Variants in EPB41 observed in about 807,000 individuals in gnomAD.
The protein encoded by EPB41 is erythrocyte membrane protein band 4.1.
EPB41 carries 65 observed loss-of-function variants against 108.0 expected under a neutral mutation model. That is an observed-to-expected ratio of 0.60 (90% confidence interval 0.49 to 0.74). EPB41 has a LOEUF of 0.74. EPB41 is among the 30% of genes least tolerant of loss of function. The pLI is 0.00. For missense variants in EPB41, 875 were observed against 1,037.0 expected (o/e 0.84, Z 2.15); for synonymous variants, 336 against 358.9 (o/e 0.94, Z 0.72).
intron 1 of EPB41, chr1:28,902,472 C>T (rs1235003664): frequency 1.2e-6 from 1 of 813,884 alleles, no homozygotes. Flanking sequence ...ACACTGGGAG[C>T]CAGGCTTGGA....
chr1:28,976,256 T>C (rs1231845743), intron 1 of EPB41, among the ~76,000 whole-genome samples: 2 of 152,200 alleles, frequency 1.3e-5, no homozygotes, highest in Non-Finnish European at 2.9e-5. Flanking sequence ...GAAATGAGAA[T>C]GTCTACCTTG....
intron 19 of EPB41, among the ~76,000 whole-genome samples, chr1:29,112,693 G>A (rs1320477280): frequency 6.6e-6 from 1 of 152,150 alleles, no homozygotes; most frequent in Non-Finnish European, 1.5e-5. Flanking sequence ...TCAATTGCTG[G>A]TTCTTAATAT....
At chr1:29,103,174 G>T (rs1666035380) in intron 17 of EPB41, among the ~76,000 whole-genome samples, 1 of 152,186 alleles carries the variant, frequency 6.6e-6, no homozygotes, top group Non-Finnish European at 1.5e-5. Context: ...CTCCCAAAGT[G>T]CAGGGATTAC....
In EPB41 at chr1:29,039,391, C is replaced by T. The variant is rs1365976907; in HGVS notation, c.1601C>T (p.Thr534Ile). ...IDRPAPHFERTASKRASRSLD... is the reference protein window; with the variant it reads ...IDRPAPHFERIASKRASRSLD... ...AGGCCTGCCCCACACTTCGAGCGTACAGCAAGTAAACGGGCGTCCCGGAGC... is the reference window on the plus strand; with the variant it reads ...AGGCCTGCCCCACACTTCGAGCGTATAGCAAGTAAACGGGCGTCCCGGAGC... Residue 534 changes from threonine to isoleucine, a missense_variant, in exon 11 of 21, where the codon ACA becomes ATA. Thr to Ile is a moderately conservative substitution (Grantham distance 89). This residue lies in a region of EPB41 where 519 missense variants were observed against 627.3 expected (regional missense o/e 0.83). Coordinates refer to ENST00000343067, the MANE Select transcript of EPB41 (RefSeq NM_001376013.1). The T allele has an allele frequency of 1.2e-6, 2 of 1,614,100 alleles. No individual in the cohort carries two copies. The highest frequency in any genetic ancestry group is 1.7e-6 in the Non-Finnish European group (2 of 1,180,030).
intron 1 of EPB41, among the ~76,000 whole-genome samples, chr1:28,899,908 T>A (rs2091097657): frequency 6.6e-6 from 1 of 152,222 alleles, no homozygotes; most frequent in South Asian, 2.1e-4. Flanking sequence ...CTGTGAGACC[T>A]CTAGCAAGTT....
chr1:28,963,563 C>T (rs1309647616), intron 1 of EPB41, among the ~76,000 whole-genome samples: 1 of 152,188 alleles, frequency 6.6e-6, no homozygotes, highest in Non-Finnish European at 1.5e-5. Flanking sequence ...CATAGTCCCT[C>T]TGGAGGAGAA....
chr1:28,961,317 A>G (rs927698587), intron 1 of EPB41, among the ~76,000 whole-genome samples: 8 of 152,286 alleles, frequency 5.3e-5, no homozygotes, highest in South Asian at 2.1e-4. Flanking sequence ...AAGAAAAATC[A>G]CCTTACATGA....
intron 18 of EPB41, 37 bp downstream of exon 18, chr1:29,109,474 G>T (rs751099856): frequency 7.6e-6 from 12 of 1,577,284 alleles, no homozygotes; most frequent in South Asian, 1.1e-5. Flanking sequence ...TGGAACCCAG[G>T]GGCAGGCTAA....
chr1:29,097,593 C>A lies in EPB41; in HGVS notation c.2185-214C>A, dbSNP rs988485307. On this transcript the variant is annotated intron_variant, in intron 16 of 20. Transcript: ENST00000343067. ...TCCATTAAGCTTATGAAAGTGATTA[C>A]AGTAATGCTGCTTTTTAATATCCCT... is the stretch of plus-strand genomic sequence containing the variant. The A allele has an allele frequency of 2.2e-5, 13 of 594,142 alleles. No individual in the cohort carries two copies. In the Admixed American group the frequency reaches 3.5e-4, roughly 16 times the overall value. 36.8% of individuals were successfully genotyped at this position (594,142 alleles called of 1,614,324 possible). A position where few individuals can be genotyped will look rare whatever the true frequency, so the allele number is the denominator to read the frequency against.
At chr1:28,966,329 C>A (rs2095356352) in intron 1 of EPB41, among the ~76,000 whole-genome samples, 1 of 152,114 alleles carries the variant, frequency 6.6e-6, no homozygotes, top group Non-Finnish European at 1.5e-5. Flanking sequence ...TTTCTTTACC[C>A]TTCACCAGAT....
chr1:29,001,131 A>G (rs976181868), intron 4 of EPB41, among the ~76,000 whole-genome samples: 2 of 152,150 alleles, frequency 1.3e-5, no homozygotes, highest in Non-Finnish European at 2.9e-5. Flanking sequence ...TGAGTTCGTA[A>G]CCAGCCTGGC....
chr1:28,964,851 T>A (rs1050654006), intron 1 of EPB41, among the ~76,000 whole-genome samples: 2 of 152,164 alleles, frequency 1.3e-5, no homozygotes, highest in Admixed American at 6.6e-5. Context: ...TAGATGCTTA[T>A]CCAGTTGATC....
At chr1:29,048,331 C>A (rs1373694488) in intron 11 of EPB41, among the ~76,000 whole-genome samples, 2 of 152,086 alleles carry the variant, frequency 1.3e-5, no homozygotes, top group Admixed American at 1.3e-4. Context: ...TCTCCTGCCT[C>A]AGCCTCCCGA....
At chr1:29,005,021 A>C (rs1472949457) in intron 4 of EPB41, among the ~76,000 whole-genome samples, 1 of 152,138 alleles carries the variant, frequency 6.6e-6, no homozygotes, top group Non-Finnish European at 1.5e-5. Flanking sequence ...TTATGACCTA[A>C]GGTTGTAAAT....
chr1:28,948,275 A>G (rs1449760960), intron 1 of EPB41, among the ~76,000 whole-genome samples: 1 of 152,134 alleles, frequency 6.6e-6, no homozygotes, highest in African/African-American at 2.4e-5. Context: ...GCACTTTGGG[A>G]GGCCGAGGCG....
At chr1:28,916,716 C>T (rs562750627) in intron 1 of EPB41, among the ~76,000 whole-genome samples, 12 of 152,284 alleles carry the variant, frequency 7.9e-5, no homozygotes, top group African/African-American at 2.9e-4. Flanking sequence ...CAAAACTATA[C>T]ATTTTTCCTT....
At chr1:28,898,787 C>A (rs1466496495) in intron 1 of EPB41, among the ~76,000 whole-genome samples, 1 of 152,240 alleles carries the variant, frequency 6.6e-6, no homozygotes, top group Non-Finnish European at 1.5e-5. Context: ...GAGGCCTGGG[C>A]ACTCTCCCAC....
intron 16 of EPB41, among the ~76,000 whole-genome samples, chr1:29,087,994 A>G (rs1659782087): frequency 1.3e-5 from 2 of 151,262 alleles, no homozygotes; most frequent in South Asian, 2.1e-4. Context: ...CTTTATATAT[A>G]TAGGCAGCCA....
chr1:29,099,947 TA>T (rs1245289826), intron 17 of EPB41, among the ~76,000 whole-genome samples: 1 of 152,192 alleles, frequency 6.6e-6, no homozygotes, highest in Non-Finnish European at 1.5e-5. Flanking sequence ...GGTAAAGAGT[TA>T]GACAATATGG....
Sources: allele counts gnomAD v4.1 joint callset (sites outside exome capture counted in the v4.1 genomes callset), GRCh38; gene constraint gnomAD v4.1.1; regional missense constraint gnomAD v4.1.1; transcripts MANE v1.5; gene names NCBI Gene and HGNC (gene_info 2026-07-23, HGNC 2026-07-21).